MGAT4C: variants seen among roughly 807,000 people sequenced by gnomAD.
MGAT4C encodes MGAT4 family member C, also known as alpha-1,3-mannosyl-glycoprotein 4-beta-N-acetylglucosaminyltransferase C.
A neutral mutation model predicts 40.1 loss-of-function variants in MGAT4C; 19 were observed. That is an observed-to-expected ratio of 0.47 (90% CI 0.33 to 0.70). The LOEUF is 0.70. Ranked by LOEUF, MGAT4C falls within the 30% of genes least tolerant of loss-of-function variation. The pLI is 0.02. For missense variants in MGAT4C, 491 were observed against 563.2 expected, an observed-to-expected ratio of 0.87 and a Z score of 1.30; for synonymous variants, 181 against 187.1, an observed-to-expected ratio of 0.97 and a Z score of 0.27.
intron 2 of MGAT4C, among the ~76,000 whole-genome samples, chr12:86,578,089 A>C (rs959922907): frequency 4.2e-4 from 64 of 151,832 alleles, no homozygotes; most frequent in African/African-American, 1.5e-3. Flanking sequence ...AGTATGTTTC[A>C]TTATATCCTC....
intron 2 of MGAT4C, among the ~76,000 whole-genome samples, chr12:86,025,784 A>G (rs1317873255): frequency 6.6e-6 from 1 of 151,678 alleles, no homozygotes; most frequent in Non-Finnish European, 1.5e-5. Flanking sequence ...ATGTTTAATG[A>G]ACTTTTCCAG....
chr12:86,528,759 C>A (rs1958927882), intron 2 of MGAT4C, among the ~76,000 whole-genome samples: 1 of 151,840 alleles, frequency 6.6e-6, no homozygotes, highest in South Asian at 2.1e-4. Flanking sequence ...TGATTCAGCC[C>A]TTTTGTTCAT....
At chr12:86,802,593 A>C (rs1952253683) in intron 1 of MGAT4C, among the ~76,000 whole-genome samples, 1 of 151,852 alleles carries the variant, frequency 6.6e-6, no homozygotes, top group African/African-American at 2.4e-5. Context: ...AGTGTGCAAA[A>C]ATCACAAGCA....
At chr12:85,982,339 C>A (rs570765901) in intron 4 of MGAT4C, among the ~76,000 whole-genome samples, 1 of 152,250 alleles carries the variant, frequency 6.6e-6, no homozygotes, top group South Asian at 2.1e-4. Flanking sequence ...CAGGTGTACA[C>A]GACCATGCCT....
chr12:86,242,589 C>T (rs768200187), intron 1 of MGAT4C, among the ~76,000 whole-genome samples: 7 of 152,164 alleles, frequency 4.6e-5, no homozygotes, highest in Middle Eastern at 3.4e-3. Flanking sequence ...GTTTCAAGAG[C>T]CTTTACCGAT....
chr12:86,191,711 A>T (rs554819471), intron 1 of MGAT4C, among the ~76,000 whole-genome samples: 19 of 141,740 alleles, frequency 1.3e-4, no homozygotes, highest in Non-Finnish European at 2.8e-4. Flanking sequence ...TACTTACAGG[A>T]TAAGACTACT....
At chr12:86,375,162 C>T (rs531957740) in intron 3 of MGAT4C, among the ~76,000 whole-genome samples, 1 of 151,952 alleles carries the variant, frequency 6.6e-6, no homozygotes, top group Non-Finnish European at 1.5e-5. Flanking sequence ...GAGAAAAAAA[C>T]CCAGTATTTC....
chr12:86,734,512 T>C (rs1950956211), intron 1 of MGAT4C, among the ~76,000 whole-genome samples: 1 of 152,042 alleles, frequency 6.6e-6, no homozygotes, highest in Non-Finnish European at 1.5e-5. Context: ...CCCAATGTAA[T>C]GGCAGTAGGA....
chr12:86,768,648 T>C (rs960362296), intron 1 of MGAT4C, among the ~76,000 whole-genome samples: 3 of 151,952 alleles, frequency 2.0e-5, no homozygotes, highest in South Asian at 2.1e-4. Flanking sequence ...CAAAACAGCA[T>C]GGTACTGGTA....
chr12:86,644,693 G>A (rs968402519), intron 2 of MGAT4C, among the ~76,000 whole-genome samples: 9 of 151,498 alleles, frequency 5.9e-5, no homozygotes, highest in Non-Finnish European at 1.3e-4. Context: ...ATAGATCAAC[G>A]AATAGATTAT....
At chr12:86,421,824 G>T (rs182855400) in intron 3 of MGAT4C, among the ~76,000 whole-genome samples, 1 of 152,140 alleles carries the variant, frequency 6.6e-6, no homozygotes, top group Admixed American at 6.5e-5. Flanking sequence ...AATATAAAGA[G>T]AAAAATATAA....
intron 2 of MGAT4C, among the ~76,000 whole-genome samples, chr12:86,620,928 A>AAC (rs1962616036): frequency 6.6e-6 from 1 of 152,048 alleles, no homozygotes; most frequent in Non-Finnish European, 1.5e-5. Context: ...CTGTGATTGT[A>AAC]AGTTTCCTAA....
chr12:86,039,117 G>A (rs1891543179), intron 2 of MGAT4C, among the ~76,000 whole-genome samples: 2 of 131,656 alleles, frequency 1.5e-5, no homozygotes, highest in Non-Finnish European at 1.8e-5. Context: ...CCCTTTGTGG[G>A]TAACCCAACC....
chr12:86,394,938 A>G (rs1045700470), intron 3 of MGAT4C, among the ~76,000 whole-genome samples: 9 of 151,894 alleles, frequency 5.9e-5, no homozygotes, highest in Admixed American at 5.9e-4. Context: ...TTTGAGGAAT[A>G]TTACATGTAA....
chr12:86,363,821 C>T (rs888825999), intron 3 of MGAT4C, among the ~76,000 whole-genome samples: 3 of 151,452 alleles, frequency 2.0e-5, no homozygotes, highest in African/African-American at 7.3e-5. Context: ...ATTACAAAGC[C>T]CATAGCTATT....
chr12:86,652,005 A>G (rs1963711163), intron 2 of MGAT4C, among the ~76,000 whole-genome samples: 1 of 151,922 alleles, frequency 6.6e-6, no homozygotes, highest in Non-Finnish European at 1.5e-5. Context: ...AAACCAGACC[A>G]GTCTCTGTTT....
chr12:86,499,501 T>C (rs981220790), intron 2 of MGAT4C, among the ~76,000 whole-genome samples: 1 of 151,820 alleles, frequency 6.6e-6, no homozygotes, highest in African/African-American at 2.4e-5. Context: ...AACCTCTCTT[T>C]GGCTTAAGGC....
chr12:86,762,547 C>A (rs1951426427), intron 1 of MGAT4C, among the ~76,000 whole-genome samples: 1 of 152,168 alleles, frequency 6.6e-6, no homozygotes, highest in South Asian at 2.1e-4. Flanking sequence ...TTCAGACCAA[C>A]AAGGGACAAT....
intron 2 of MGAT4C, among the ~76,000 whole-genome samples, chr12:86,031,594 T>C (rs1890759743): frequency 4.0e-5 from 6 of 151,818 alleles, no homozygotes. Context: ...GTTCAAATGA[T>C]GTAAGGTTCA....
Sources: allele counts gnomAD v4.1 joint callset (sites outside exome capture counted in the v4.1 genomes callset), GRCh38; gene constraint gnomAD v4.1.1; transcripts MANE v1.5; gene names NCBI Gene and HGNC (gene_info 2026-07-23, HGNC 2026-07-21).